The following SCOC variants were observed in gnomAD, a reference collection of about 807,000 sequenced individuals.
SCOC encodes short coiled-coil protein.
In SCOC, 7 loss-of-function variants were observed where a neutral mutation model predicts 9.9. The ratio of observed to expected loss-of-function variants is 0.71; its 90% CI spans 0.40 to 1.33. The LOEUF is 1.33. Ranked by LOEUF, SCOC falls within the 40% of genes most tolerant of loss-of-function variation. The pLI is 0.01. For missense variants in SCOC, 66 were observed against 89.7 expected, an observed-to-expected ratio of 0.74 and a Z score of 1.07; for synonymous variants, 19 against 28.2, an observed-to-expected ratio of 0.67 and a Z score of 1.03.
At chr4:140,323,585 A>G (rs1394412966) in intron 1 of SCOC, among the ~76,000 whole-genome samples, 4 of 152,196 alleles carry the variant, frequency 2.6e-5, no homozygotes, top group Non-Finnish European at 4.4e-5. Flanking sequence ...CATTAAAAAT[A>G]TAAGAGAATA....
intron 1 of SCOC, among the ~76,000 whole-genome samples, chr4:140,312,273 T>C (rs1226210101): frequency 6.6e-6 from 1 of 152,098 alleles, no homozygotes; most frequent in African/African-American, 2.4e-5. Context: ...TTCCAACAAG[T>C]AGATGATTGA....
Position 140,381,018 on chromosome 4 carries a change from A to G in SCOC, c.163A>G (p.Asn55Asp). 1 of 1,606,476 alleles carries G rather than the reference A, an allele frequency of 6.2e-7. No homozygotes were observed. The highest frequency in any genetic ancestry group is 8.5e-7 in the Non-Finnish European group (1 of 1,178,216). ...AGAAAATCTGAAGCTAAAATCAGAAAACCAAGTTCTTGGACAATATATAGA... is the reference window on the plus strand; with the variant it reads ...AGAAAATCTGAAGCTAAAATCAGAAGACCAAGTTCTTGGACAATATATAGA... ...KEENLKLKSE[N>D]QVLGQYIENL... The change falls in exon 4 of 4, where the codon AAC becomes GAC. Residue 55 changes from asparagine to aspartate, a missense_variant. Transcript: ENST00000608372.
At chr4:140,310,917 A>G (rs1734443528) in intron 1 of SCOC, among the ~76,000 whole-genome samples, 1 of 152,224 alleles carries the variant, frequency 6.6e-6, no homozygotes, top group Admixed American at 6.5e-5. Context: ...TAGCAGATGC[A>G]GATGATGCAG....
chr4:140,371,176 CGCCTG>C (rs574453147), upstream of SCOC, among the ~76,000 whole-genome samples: 990 of 152,236 alleles, frequency 6.5e-3, 9 homozygotes, highest in African/African-American at 0.022. Flanking sequence ...TGAGCCACCG[CGCCTG>C]GCCTGAATTC....
At chr4:140,344,560 C>A (rs749187157) in intron 2 of SCOC, among the ~76,000 whole-genome samples, 2 of 152,206 alleles carry the variant, frequency 1.3e-5, no homozygotes, top group Non-Finnish European at 2.9e-5. Flanking sequence ...AGACAATTAA[C>A]ACAAACCACC....
intron 2 of SCOC, among the ~76,000 whole-genome samples, chr4:140,363,577 T>G (rs982810399): frequency 3.3e-5 from 5 of 152,202 alleles, no homozygotes; most frequent in Non-Finnish European, 7.3e-5. Flanking sequence ...TGGCACCATT[T>G]GCAGTTGAGA....
chr4:140,270,989 G>GTGCT (rs1730832308), intron 1 of SCOC, among the ~76,000 whole-genome samples: 1 of 152,188 alleles, frequency 6.6e-6, no homozygotes, highest in Admixed American at 6.5e-5. Flanking sequence ...TCTTACCAAT[G>GTGCT]TGCTATTCTG....
At chr4:140,339,755 C>A (rs1256764510), upstream of SCOC, among the ~76,000 whole-genome samples, 1 of 152,190 alleles carries the variant, frequency 6.6e-6, no homozygotes, top group Non-Finnish European at 1.5e-5. Flanking sequence ...AATGAGATAC[C>A]ATCTCACACC....
intron 1 of SCOC, 134 bp from the exon 2 acceptor site, chr4:140,378,987 G>T (rs1464754375): frequency 1.1e-5 from 7 of 615,912 alleles, no homozygotes; most frequent in Admixed American, 2.5e-5. Context: ...TACCCATTAG[G>T]CATTTATTTT....
chr4:140,298,591 C>G (rs937438775), intron 1 of SCOC, among the ~76,000 whole-genome samples: 9 of 152,102 alleles, frequency 5.9e-5, no homozygotes, highest in Non-Finnish European at 1.3e-4. Flanking sequence ...CTTGGGGACC[C>G]ACCAGCCTCT....
At chr4:140,366,169 C>T (rs1210015335) in intron 2 of SCOC, 3 of 507,654 alleles carry the variant, frequency 5.9e-6, no homozygotes, top group Non-Finnish European at 5.7e-6. Flanking sequence ...TTGGGTGCCT[C>T]CTTTTCTTTC....
At chr4:140,331,068 A>G (rs1732803521) in intron 1 of SCOC, among the ~76,000 whole-genome samples, 1 of 152,190 alleles carries the variant, frequency 6.6e-6, no homozygotes, top group Non-Finnish European at 1.5e-5. Flanking sequence ...GCTAACATCC[A>G]TATGTGGCAG....
intron 2 of SCOC, among the ~76,000 whole-genome samples, chr4:140,358,546 G>A (rs1727330824): frequency 6.6e-6 from 1 of 152,180 alleles, no homozygotes; most frequent in South Asian, 2.1e-4. Flanking sequence ...AGCCTATAGT[G>A]CCTGCCAGCC....
At chr4:140,318,746 C>T (rs894216513) in intron 1 of SCOC, among the ~76,000 whole-genome samples, 1 of 149,808 alleles carries the variant, frequency 6.7e-6, no homozygotes, top group Admixed American at 6.7e-5. Context: ...ACCCAAATGA[C>T]TATAAATCAT....
intron 2 of SCOC, among the ~76,000 whole-genome samples, chr4:140,362,525 C>A (rs182084464): frequency 3.1e-4 from 47 of 151,348 alleles, no homozygotes; most frequent in African/African-American, 1.1e-3. Flanking sequence ...GAACTCCTGA[C>A]CTCAAGTGAT....
chr4:140,366,493 T>C, intron 2 of SCOC: 3 of 1,567,986 alleles, frequency 1.9e-6, no homozygotes, highest in Non-Finnish European at 2.6e-6. Context: ...CTTAACTTCA[T>C]TCTTGATTAT....
At chr4:140,272,097 C>T (rs1730858908) in intron 1 of SCOC, among the ~76,000 whole-genome samples, 1 of 151,156 alleles carries the variant, frequency 6.6e-6, no homozygotes, top group South Asian at 2.1e-4. Flanking sequence ...TGCTCTGTCA[C>T]CCAGGCTGAA....
chr4:140,370,740 T>C (rs1323178761), upstream of SCOC, among the ~76,000 whole-genome samples: 1 of 152,220 alleles, frequency 6.6e-6, no homozygotes, highest in Non-Finnish European at 1.5e-5. Context: ...TTTATCTAAT[T>C]GTTTTAATGT....
chr4:140,303,440 G>T (rs753492619), intron 1 of SCOC, among the ~76,000 whole-genome samples: 2 of 152,192 alleles, frequency 1.3e-5, no homozygotes, highest in Non-Finnish European at 2.9e-5. Flanking sequence ...AACCTTGCTT[G>T]GTTATTGGAG....
Sources: allele counts gnomAD v4.1 joint callset (sites outside exome capture counted in the v4.1 genomes callset), GRCh38; gene constraint gnomAD v4.1.1; transcripts MANE v1.5; gene names NCBI Gene and HGNC (gene_info 2026-07-23, HGNC 2026-07-21).